The following ROBO2 variants were observed in gnomAD, a reference collection of about 807,000 sequenced individuals.
ROBO2 encodes roundabout homolog 2.
Under a neutral mutation model 160.8 loss-of-function variants are expected in ROBO2, and 53 were observed. That is an observed-to-expected ratio of 0.33 (90% CI 0.26 to 0.41). The LOEUF (loss-of-function observed/expected upper bound fraction) is 0.41, where lower values mean the gene tolerates loss of function less well. Ranked by LOEUF, ROBO2 falls within the 10% of genes least tolerant of loss-of-function variation. The pLI is 1.00. For missense variants in ROBO2, 1,577 were observed against 1,722.4 expected (o/e 0.92, Z 1.49); for synonymous variants, 664 against 611.7 (o/e 1.09, Z -1.26).
At chr3:76,093,589 A>AT (rs903361818) in intron 2 of ROBO2, among the ~76,000 whole-genome samples, 2 of 149,960 alleles carry the variant, frequency 1.3e-5, no homozygotes, top group African/African-American at 2.4e-5. Context: ...GCTTGGAATG[A>AT]TTTTTTTTCT....
At chr3:77,054,082 A>C (rs1244873841) in intron 1 of ROBO2, among the ~76,000 whole-genome samples, 1 of 152,218 alleles carries the variant, frequency 6.6e-6, no homozygotes, top group African/African-American at 2.4e-5. Context: ...AATAGAAACA[A>C]GGTTAGTACA....
chr3:77,099,933 A>G (rs1015930427), intron 2 of ROBO2, among the ~76,000 whole-genome samples: 35 of 152,184 alleles, frequency 2.3e-4, no homozygotes, highest in Admixed American at 2.0e-3. Flanking sequence ...AATCTGGTCT[A>G]TTTTAAATAT....
rs554325327 is a variant in ROBO2 at position 75,948,289 on chromosome 3, C to G, written c.109+10687C>G. Among the ~76,000 whole-genome samples, 150 of 151,884 alleles carry G rather than the reference C, an allele frequency of 9.9e-4. 1 individual carries two copies. Among genetic ancestry groups the G allele is most frequent in the African/African-American group, 3.4e-3 (141 of 41,452 alleles). On this transcript the variant is annotated intron_variant, in intron 2 of 26. Transcript: ENST00000487694. ...TGAGATTTGAATTAAAAATAAGAAA[C>G]TTTTATTTTCAAAATTGGAGACTGT... is the stretch of plus-strand genomic sequence containing the variant.
At chr3:77,403,872 G>GT (rs1029293231) in intron 2 of ROBO2, among the ~76,000 whole-genome samples, 38 of 148,404 alleles carry the variant, frequency 2.6e-4, no homozygotes, top group African/African-American at 4.4e-4. Context: ...AATGGAGAGA[G>GT]TTTTTTTTTT....
At chr3:76,668,117 T>A (rs1261413244) in intron 2 of ROBO2, among the ~76,000 whole-genome samples, 1 of 152,048 alleles carries the variant, frequency 6.6e-6, no homozygotes, top group Admixed American at 6.6e-5. Context: ...AACAATATTA[T>A]CAGTCCATGT....
intron 1 of ROBO2, among the ~76,000 whole-genome samples, chr3:75,936,761 A>G (rs1947797678): frequency 6.6e-6 from 1 of 152,010 alleles, no homozygotes; most frequent in Non-Finnish European, 1.5e-5. Context: ...GCTTTGGTGG[A>G]CATTTAAGTA....
At chr3:76,486,039 C>G (rs2079479252) in intron 2 of ROBO2, among the ~76,000 whole-genome samples, 1 of 152,186 alleles carries the variant, frequency 6.6e-6, no homozygotes, top group Non-Finnish European at 1.5e-5. Context: ...CTTGAGCAAG[C>G]CATCTTCACC....
At chr3:76,349,138 A>G (rs2074718535) in intron 2 of ROBO2, among the ~76,000 whole-genome samples, 1 of 152,136 alleles carries the variant, frequency 6.6e-6, no homozygotes, top group African/African-American at 2.4e-5. Context: ...CCTTTTGATC[A>G]ATTGAGCCTA....
At chr3:76,868,030 A>G (rs1046843143) in intron 2 of ROBO2, among the ~76,000 whole-genome samples, 12 of 152,162 alleles carry the variant, frequency 7.9e-5, no homozygotes, top group Admixed American at 6.5e-5. Flanking sequence ...TCCATCATAA[A>G]TCATCAGACA....
At chr3:76,433,290 G>A (rs1444662105) in intron 2 of ROBO2, among the ~76,000 whole-genome samples, 1 of 152,070 alleles carries the variant, frequency 6.6e-6, no homozygotes, top group African/African-American at 2.4e-5. Flanking sequence ...GCCAGGTTGA[G>A]CAAATAAAAA....
chr3:76,621,399 A>T (rs938403706), intron 2 of ROBO2, among the ~76,000 whole-genome samples: 1 of 152,206 alleles, frequency 6.6e-6, no homozygotes, highest in Non-Finnish European at 1.5e-5. Flanking sequence ...ATGTGCTGAA[A>T]ATGGTTTTAC....
chr3:76,235,984 G>A (rs1299194814), intron 2 of ROBO2, among the ~76,000 whole-genome samples: 1 of 151,952 alleles, frequency 6.6e-6, no homozygotes, highest in Non-Finnish European at 1.5e-5. Flanking sequence ...TGAATGGATT[G>A]GTAATTTCAT....
At chr3:76,624,796 C>CAAAAAAAAAAAAAAAAAAAAA (rs57920315) in intron 2 of ROBO2, among the ~76,000 whole-genome samples, 1 of 46,324 alleles carries the variant, frequency 2.2e-5, no homozygotes, top group African/African-American at 1.0e-4. Flanking sequence ...GACTCCGTCT[C>CAAAAAAAAAAAAAAAAAAAAA]AAAAAAAAAA....
At chr3:76,375,081 A>C (rs1356470997) in intron 2 of ROBO2, among the ~76,000 whole-genome samples, 1 of 151,942 alleles carries the variant, frequency 6.6e-6, no homozygotes, top group African/African-American at 2.4e-5. Context: ...TCATTAAAAT[A>C]AACATTAAGC....
chr3:76,838,959 T>G (rs1437162579), intron 2 of ROBO2, among the ~76,000 whole-genome samples: 1 of 152,162 alleles, frequency 6.6e-6, no homozygotes, highest in East Asian at 1.9e-4. Flanking sequence ...ATTATCAGTT[T>G]ATAAAACCAC....
chr3:77,318,000 T>A (rs1006529843), intron 2 of ROBO2, among the ~76,000 whole-genome samples: 6 of 150,986 alleles, frequency 4.0e-5, no homozygotes, highest in Non-Finnish European at 7.4e-5. Context: ...TGGGGTGATT[T>A]ATTTTATTTT....
At chr3:76,792,740 C>CA (rs1273850027) in intron 2 of ROBO2, among the ~76,000 whole-genome samples, 1 of 151,402 alleles carries the variant, frequency 6.6e-6, no homozygotes. Context: ...ACAACAACAA[C>CA]AAAAAAATCC....
chr3:76,301,370 T>C (rs1271631194), intron 2 of ROBO2, among the ~76,000 whole-genome samples: 1 of 152,076 alleles, frequency 6.6e-6, no homozygotes, highest in Non-Finnish European at 1.5e-5. Context: ...TCTAAAGCAG[T>C]TGAGATGAAG....
chr3:77,443,948 C>T (rs749676820), intron 2 of ROBO2, among the ~76,000 whole-genome samples: 3 of 152,156 alleles, frequency 2.0e-5, no homozygotes, highest in Non-Finnish European at 4.4e-5. Flanking sequence ...TCTTCTAAAA[C>T]AATCTGCATA....
Sources: allele counts gnomAD v4.1 joint callset (sites outside exome capture counted in the v4.1 genomes callset), GRCh38; gene constraint gnomAD v4.1.1; transcripts MANE v1.5; gene names NCBI Gene and HGNC (gene_info 2026-07-23, HGNC 2026-07-21).